ATG10: variants seen among roughly 807,000 people sequenced by gnomAD.
The protein encoded by ATG10 is ubiquitin-like-conjugating enzyme ATG10.
ATG10 carries 30 observed loss-of-function variants against 32.1 expected under a neutral mutation model. The observed-to-expected ratio is 0.94, with a 90% CI of 0.70 to 1.27. The LOEUF is 1.27. Among genes scored for constraint, ATG10 ranks in the 50% most tolerant of loss-of-function variants. The pLI is 0.00. For synonymous variants in ATG10, 87 were observed against 91.5 expected (o/e 0.95, Z 0.28); for missense variants, 233 against 262.3 (o/e 0.89, Z 0.77).
intron 1 of ATG10, among the ~76,000 whole-genome samples, chr5:81,977,542 T>C (rs1185681603): frequency 1.3e-5 from 2 of 152,244 alleles, no homozygotes; most frequent in African/African-American, 4.8e-5. Context: ...CCATTAGACC[T>C]TATTTGCCCA....
chr5:82,116,100 T>C (rs1004752171), intron 3 of ATG10, among the ~76,000 whole-genome samples: 6 of 152,102 alleles, frequency 3.9e-5, no homozygotes, highest in African/African-American at 7.2e-5. Context: ...AAATTCATGT[T>C]CCACTATGCT....
chr5:82,018,642 A>C (rs1261329715), intron 2 of ATG10, among the ~76,000 whole-genome samples: 1 of 152,124 alleles, frequency 6.6e-6, no homozygotes, highest in Non-Finnish European at 1.5e-5. Flanking sequence ...CTCCAGACAA[A>C]CACTGCCACC....
intron 5 of ATG10, among the ~76,000 whole-genome samples, chr5:82,233,536 G>A (rs1436654878): frequency 2.6e-5 from 4 of 152,162 alleles, no homozygotes; most frequent in East Asian, 3.9e-4. Flanking sequence ...TGCTTTAAAC[G>A]AAAGAGTGAG....
intron 5 of ATG10, among the ~76,000 whole-genome samples, chr5:82,230,799 G>A (rs1040447928): frequency 6.7e-6 from 1 of 148,532 alleles, no homozygotes; most frequent in African/African-American, 2.5e-5. Flanking sequence ...ATGGAATGAT[G>A]TAAATATCCA....
intron 3 of ATG10, among the ~76,000 whole-genome samples, chr5:82,135,474 T>C (rs1355652578): frequency 2.0e-5 from 3 of 152,238 alleles, no homozygotes; most frequent in Admixed American, 1.3e-4. Context: ...TGCCTTAATT[T>C]TCGTTATTTA....
At chr5:82,049,651 C>A (rs1410926076) in intron 2 of ATG10, among the ~76,000 whole-genome samples, 2 of 151,694 alleles carry the variant, frequency 1.3e-5, no homozygotes, top group East Asian at 1.9e-4. Flanking sequence ...TAAGTGACAT[C>A]AAAAAATGTT....
chr5:82,043,917 A>G (rs570603948), intron 2 of ATG10, among the ~76,000 whole-genome samples: 4 of 152,164 alleles, frequency 2.6e-5, no homozygotes, highest in African/African-American at 4.8e-5. Context: ...ACATCTTCCT[A>G]TCTTCTTCTG....
rs143781353 is a variant in ATG10 at position 82,219,345 on chromosome 5, G to C, written c.454-33217G>C. ...GGAGATTAGTACTTCTTTTCACACA[G>C]AGAATTAATTAGCATGCTAGGATGG... On this transcript the variant is annotated intron_variant, in intron 5 of 7. Transcript: ENST00000282185. Among the ~76,000 whole-genome samples, 6 of 152,270 alleles carry C rather than the reference G, an allele frequency of 3.9e-5. No homozygotes were observed. The East Asian group carries it at 1.2e-3, about 29-fold the overall frequency.
chr5:82,159,074 C>G (rs1256015716), intron 3 of ATG10, among the ~76,000 whole-genome samples: 1 of 152,130 alleles, frequency 6.6e-6, no homozygotes, highest in Admixed American at 6.5e-5. Context: ...TATCACTACC[C>G]TTGTGCCTTG....
intron 3 of ATG10, among the ~76,000 whole-genome samples, chr5:82,098,554 C>T (rs1765152795): frequency 6.6e-6 from 1 of 152,024 alleles, no homozygotes; most frequent in African/African-American, 2.4e-5. Flanking sequence ...CGTGATTCAC[C>T]CGCCTCGGGC....
intron 3 of ATG10, among the ~76,000 whole-genome samples, chr5:82,136,181 T>A (rs946702661): frequency 3.9e-5 from 6 of 152,356 alleles, no homozygotes; most frequent in Admixed American, 2.0e-4. Flanking sequence ...TTTATCCAAT[T>A]TACCAGTCTG....
intron 5 of ATG10, among the ~76,000 whole-genome samples, chr5:82,237,286 T>G (rs931561838): frequency 6.6e-6 from 1 of 152,158 alleles, no homozygotes; most frequent in African/African-American, 2.4e-5. Context: ...GGCCACACTT[T>G]GCTTTTCTCC....
chr5:82,136,636 GC>G (rs1766765728), intron 3 of ATG10, among the ~76,000 whole-genome samples: 1 of 151,472 alleles, frequency 6.6e-6, no homozygotes, highest in African/African-American at 2.4e-5. Context: ...TACCCTGGCT[GC>G]CCTTAACATT....
intron 5 of ATG10, among the ~76,000 whole-genome samples, chr5:82,240,475 G>T (rs910774389): frequency 1.3e-4 from 20 of 152,308 alleles, no homozygotes; most frequent in African/African-American, 4.8e-4. Flanking sequence ...TTGATCTCAT[G>T]GAGGAAGTGA....
intron 5 of ATG10, among the ~76,000 whole-genome samples, chr5:82,216,824 A>T (rs961801423): frequency 7.2e-5 from 11 of 152,124 alleles, no homozygotes; most frequent in African/African-American, 2.7e-4. Flanking sequence ...TGGGAGGCCG[A>T]GGTGGGTGGA....
intron 4 of ATG10, among the ~76,000 whole-genome samples, chr5:82,178,183 C>T (rs1179002171): frequency 6.6e-6 from 1 of 152,064 alleles, no homozygotes; most frequent in African/African-American, 2.4e-5. Flanking sequence ...GTTCCTTTGC[C>T]TGTGCTTGCA....
chr5:82,179,833 T>C (rs2149925904), intron 5 of ATG10, among the ~76,000 whole-genome samples: 1 of 152,250 alleles, frequency 6.6e-6, no homozygotes, highest in South Asian at 2.1e-4. Flanking sequence ...AACATAAGAA[T>C]CCTTAGCATC....
At chr5:82,084,092 T>C (rs1333239345) in intron 3 of ATG10, among the ~76,000 whole-genome samples, 2 of 152,122 alleles carry the variant, frequency 1.3e-5, no homozygotes, top group South Asian at 2.1e-4. Context: ...GAAAAAAGAT[T>C]AGACGAATGG....
chr5:82,238,879 G>A (rs1033284607), intron 5 of ATG10, among the ~76,000 whole-genome samples: 3 of 152,154 alleles, frequency 2.0e-5, no homozygotes, highest in African/African-American at 7.2e-5. Context: ...CAGTGGTGTG[G>A]CAAGGAGTAG....
Sources: allele counts gnomAD v4.1 joint callset (sites outside exome capture counted in the v4.1 genomes callset), GRCh38; gene constraint gnomAD v4.1.1; transcripts MANE v1.5; gene names NCBI Gene and HGNC (gene_info 2026-07-23, HGNC 2026-07-21).